Variants in RPTOR observed in about 807,000 individuals in gnomAD.
RPTOR encodes the protein regulatory associated protein of MTOR complex 1.
Under a neutral mutation model 169.9 loss-of-function variants are expected in RPTOR, and 21 were observed. The observed-to-expected ratio is 0.12, with a 90% CI of 0.09 to 0.18. The LOEUF (loss-of-function observed/expected upper bound fraction) is 0.18. Among genes scored for constraint, RPTOR ranks in the 10% least tolerant of loss-of-function variants. The pLI is 1.00. For synonymous variants in RPTOR, 732 were observed against 753.2 expected (o/e 0.97, Z 0.46); for missense variants, 1,133 against 1,855.9 (o/e 0.61, Z 7.16).
intron 1 of RPTOR, among the ~76,000 whole-genome samples, chr17:80,606,799 A>G (rs917210971): frequency 2.0e-5 from 3 of 151,992 alleles, no homozygotes; most frequent in Non-Finnish European, 2.9e-5. Flanking sequence ...CCATCCATCC[A>G]TCCATCCATT....
chr17:80,635,319 G>A (rs182960201), intron 2 of RPTOR, among the ~76,000 whole-genome samples: 265 of 152,346 alleles, frequency 1.7e-3, no homozygotes, highest in Non-Finnish European at 2.6e-3. Flanking sequence ...TTCCAGGCCA[G>A]TGTGGCTCCC....
chr17:80,822,078 T>A, intron 7 of RPTOR, 123 bp from the exon 8 acceptor site: 1 of 846,836 alleles, frequency 1.2e-6, no homozygotes, highest in Non-Finnish European at 2.0e-6. Flanking sequence ...AAGCTTCTGC[T>A]CAGAGCCTTC....
intron 3 of RPTOR, among the ~76,000 whole-genome samples, chr17:80,660,207 G>C (rs1057086594): frequency 2.0e-5 from 3 of 151,024 alleles, no homozygotes; most frequent in Admixed American, 1.3e-4. Context: ...GGAGATGGAG[G>C]TTGCAGTGAG....
chr17:80,915,385 G>A (rs1425432386), intron 21 of RPTOR, among the ~76,000 whole-genome samples: 4 of 50,874 alleles, frequency 7.9e-5, no homozygotes, highest in African/African-American at 1.6e-4. Context: ...CTGAGCAGAC[G>A]TCGGGAAAAC....
chr17:80,675,692 C>G (rs1241339443), intron 3 of RPTOR, among the ~76,000 whole-genome samples: 1 of 152,034 alleles, frequency 6.6e-6, no homozygotes, highest in Admixed American at 6.6e-5. Flanking sequence ...GGCTCGGGCC[C>G]GCAGAACCCG....
At chr17:80,732,147 C>T (rs2066398072) in intron 5 of RPTOR, among the ~76,000 whole-genome samples, 1 of 151,458 alleles carries the variant, frequency 6.6e-6, no homozygotes, top group African/African-American at 2.4e-5. Flanking sequence ...TTCCTTGCAT[C>T]AAGTAATAAA....
intron 13 of RPTOR, among the ~76,000 whole-genome samples, chr17:80,879,212 C>G (rs2068157100): frequency 6.6e-6 from 1 of 152,104 alleles, no homozygotes; most frequent in Admixed American, 6.5e-5. Flanking sequence ...TGGATCCTCG[C>G]ATCCCTGGCA....
intron 13 of RPTOR, among the ~76,000 whole-genome samples, chr17:80,874,995 G>A (rs563856344): frequency 7.2e-4 from 110 of 152,314 alleles, no homozygotes; most frequent in African/African-American, 2.6e-3. Flanking sequence ...GCGTGAAATC[G>A]CGCGTGGTAG....
intron 1 of RPTOR, among the ~76,000 whole-genome samples, chr17:80,550,212 G>A (rs1332376042): frequency 6.6e-6 from 1 of 152,154 alleles, no homozygotes; most frequent in Non-Finnish European, 1.5e-5. Context: ...CCAGTTTGTT[G>A]CTAAATCTAA....
intron 5 of RPTOR, among the ~76,000 whole-genome samples, chr17:80,735,779 G>A (rs762863621): frequency 3.3e-5 from 5 of 152,176 alleles, no homozygotes; most frequent in Non-Finnish European, 7.3e-5. Context: ...TTTTGGTTTA[G>A]GGCTGGAGCA....
intron 28 of RPTOR, among the ~76,000 whole-genome samples, chr17:80,950,515 A>G (rs1442182225): frequency 6.6e-6 from 1 of 151,202 alleles, no homozygotes; most frequent in African/African-American, 2.4e-5. Flanking sequence ...TTTTTTTTTA[A>G]TGTAGCCATG....
chr17:80,897,214 A>G lies in RPTOR; in HGVS notation c.2401+3349A>G, dbSNP rs1455810611. On this transcript the variant is annotated intron_variant, in intron 20 of 33. Coordinates refer to ENST00000306801, the MANE Select transcript of RPTOR (RefSeq NM_020761.3). ...CAGTGAGCGGAGATCACACCACTGC[A>G]CTCCAGCCTGGCAACAGAGCAAGAC... Among the ~76,000 whole-genome samples the G allele has an allele frequency of 2.7e-5, 4 of 150,282 alleles. No individual in the cohort carries two copies. In the East Asian group the frequency reaches 7.9e-4, roughly 30 times the overall value.
At chr17:80,908,005 T>G (rs1029488594) in intron 20 of RPTOR, among the ~76,000 whole-genome samples, 1 of 152,190 alleles carries the variant, frequency 6.6e-6, no homozygotes, top group Non-Finnish European at 1.5e-5. Flanking sequence ...GTTCACATCC[T>G]TCATCCTCTG....
intron 3 of RPTOR, among the ~76,000 whole-genome samples, chr17:80,690,342 T>TACGCACAC (rs140193761): frequency 8.5e-4 from 123 of 145,430 alleles, no homozygotes; most frequent in African/African-American, 3.3e-3. Context: ...CACACACACA[T>TACGCACAC]ACACACACAC....
intron 25 of RPTOR, 36 bp downstream of exon 25, chr17:80,940,637 C>G (rs1178709920): frequency 6.5e-7 from 1 of 1,546,338 alleles, no homozygotes; most frequent in East Asian, 2.4e-5. Context: ...GGGGCTCATT[C>G]CGGGGGTGGG....
At chr17:80,550,764 C>T (rs765068802) in intron 1 of RPTOR, among the ~76,000 whole-genome samples, 3 of 152,326 alleles carry the variant, frequency 2.0e-5, no homozygotes, top group Non-Finnish European at 4.4e-5. Flanking sequence ...TTCATTTTGT[C>T]TCCACTGATG....
chr17:80,619,308 C>A (rs550546953), intron 1 of RPTOR, among the ~76,000 whole-genome samples: 16 of 152,270 alleles, frequency 1.1e-4, no homozygotes, highest in South Asian at 1.0e-3. Flanking sequence ...TGTTTAATTT[C>A]TTCATTCTGC....
At chr17:80,818,960 G>A (rs1388036455) in intron 7 of RPTOR, among the ~76,000 whole-genome samples, 1 of 152,210 alleles carries the variant, frequency 6.6e-6, no homozygotes, top group Non-Finnish European at 1.5e-5. Flanking sequence ...TTAACCAGTG[G>A]TCACAGACTC....
chr17:80,749,301 G>A (rs1439989003), intron 5 of RPTOR, among the ~76,000 whole-genome samples: 16 of 39,276 alleles, frequency 4.1e-4, no homozygotes, highest in Admixed American at 7.6e-4. Flanking sequence ...TGGCGGGAGG[G>A]CCTGTTGGGT....
Sources: gnomAD v4.1 joint callset for allele counts (sites outside exome capture counted in the v4.1 genomes callset) on GRCh38, gnomAD v4.1.1 for gene constraint, MANE v1.5 for transcripts, NCBI Gene and HGNC (gene_info 2026-07-23, HGNC 2026-07-21) for gene names.